Variants in PTPRN2 observed in about 807,000 individuals in gnomAD.
The protein encoded by PTPRN2 is receptor-type tyrosine-protein phosphatase N2.
Under a neutral mutation model 118.8 loss-of-function variants are expected in PTPRN2, and 74 were observed. The observed-to-expected ratio is 0.62, with a 90% CI of 0.52 to 0.76. PTPRN2 has a LOEUF of 0.76. PTPRN2 is among the 30% of genes least tolerant of loss of function. The pLI, the probability that PTPRN2 is intolerant of heterozygous loss-of-function variation, is 0.00. For synonymous variants in PTPRN2, 641 were observed against 608.0 expected, an observed-to-expected ratio of 1.05 and a Z score of -0.80; for missense variants, 1,481 against 1,394.4, an observed-to-expected ratio of 1.06 and a Z score of -0.99.
chr7:158,359,960 T>A (rs987745722), intron 2 of PTPRN2, among the ~76,000 whole-genome samples: 5 of 152,028 alleles, frequency 3.3e-5, no homozygotes, highest in Non-Finnish European at 7.4e-5. Context: ...GTGGGACATC[T>A]CACAGCGCTC....
intron 2 of PTPRN2, among the ~76,000 whole-genome samples, chr7:158,333,556 A>T (rs1586320277): frequency 6.7e-6 from 1 of 150,354 alleles, no homozygotes; most frequent in Non-Finnish European, 1.5e-5. Flanking sequence ...TCACACCCAC[A>T]CTCTCACCAT....
intron 11 of PTPRN2, among the ~76,000 whole-genome samples, chr7:157,937,177 C>T (rs1404177991): frequency 6.6e-6 from 1 of 152,162 alleles, no homozygotes; most frequent in Non-Finnish European, 1.5e-5. Context: ...CTGGAACTTG[C>T]CGTGAGCATG....
At chr7:157,606,145 C>T (rs1801988373) in intron 15 of PTPRN2, among the ~76,000 whole-genome samples, 1 of 152,226 alleles carries the variant, frequency 6.6e-6, no homozygotes, top group Non-Finnish European at 1.5e-5. Context: ...CCCAGAGTGT[C>T]ACACCTGCTG....
rs1409956940 is a variant in PTPRN2 at position 157,611,697 on chromosome 7, G to A, written c.2345-7622C>T. Among the ~76,000 whole-genome samples, 1 of 152,132 alleles carries A rather than the reference G, an allele frequency of 6.6e-6. No homozygotes were observed. The highest frequency in any genetic ancestry group is 2.4e-5 in the African/African-American group (1 of 41,418). On this transcript the variant is annotated intron_variant, in intron 15 of 22. Transcript: ENST00000389418. This position sits in a 1 kb window ranked among gnomAD's most constrained non-coding sequence, Gnocchi z 5.9. ...CACCCACACGGGAGGGAGAGCGCCCGTGTGAAGACGAAGACAGCCGCGGTC... is the reference window on the plus strand; with the variant it reads ...CACCCACACGGGAGGGAGAGCGCCCATGTGAAGACGAAGACAGCCGCGGTC...
chr7:157,789,877 G>A (rs913749736), intron 12 of PTPRN2, among the ~76,000 whole-genome samples: 1 of 150,218 alleles, frequency 6.7e-6, no homozygotes, highest in Non-Finnish European at 1.5e-5. Flanking sequence ...TGTGTAGTAT[G>A]TGTGCAGGTA....
chr7:157,784,123 G>A lies in PTPRN2; in HGVS notation c.1789-101186C>T, dbSNP rs1563104751. Among the ~76,000 whole-genome samples, 1 of 152,062 alleles carries A rather than the reference G, an allele frequency of 6.6e-6. No homozygotes were observed. Among genetic ancestry groups the A allele is most frequent in the Non-Finnish European group, 1.5e-5 (1 of 68,014 alleles). On this transcript the variant is annotated intron_variant, in intron 12 of 22. Transcript: ENST00000389418. The surrounding 1 kb of genome is among the most constrained non-coding windows in gnomAD (Gnocchi z 4.6). ...TGGGTGTGTTTAGTTCTGCTTCCAG[G>A]GACTATTCCTAAATTCTGCTTGTGG...
chr7:157,683,803 C>T lies in PTPRN2; in HGVS notation c.1789-866G>A, dbSNP rs367635575. On this transcript the variant is annotated intron_variant, in intron 12 of 22. Coordinates refer to ENST00000389418, the MANE Select transcript of PTPRN2 (RefSeq NM_002847.5). ...AAGGTATATTAGCAACAATTAAGGA[C>T]GCCACAGGAAAATGGGAAGGCCGCC... Among the ~76,000 whole-genome samples, 8 of 152,238 alleles carry T rather than the reference C, an allele frequency of 5.3e-5. No homozygotes were observed. In the East Asian group the frequency reaches 1.5e-3, roughly 29 times the overall value.
At chr7:158,566,485 G>A (rs58992994) in intron 1 of PTPRN2, among the ~76,000 whole-genome samples, 2,412 of 152,250 alleles carry the variant, frequency 0.016, 71 homozygotes, top group African/African-American at 0.056. Flanking sequence ...TGGCAGCCCC[G>A]GGCCAGGCAT....
chr7:158,211,126 G>A (rs1013006082), intron 3 of PTPRN2, among the ~76,000 whole-genome samples: 7 of 152,106 alleles, frequency 4.6e-5, no homozygotes, highest in African/African-American at 1.4e-4. Flanking sequence ...ACCACATGCA[G>A]AAGAATGAAA....
chr7:157,702,043 G>A (rs1046116985), intron 12 of PTPRN2, among the ~76,000 whole-genome samples: 13 of 150,248 alleles, frequency 8.7e-5, no homozygotes, highest in African/African-American at 3.0e-4. Context: ...AAGAAAGCCC[G>A]GTCGGTGCTG....
intron 6 of PTPRN2, among the ~76,000 whole-genome samples, chr7:158,145,113 A>C (rs1453664055): frequency 1.3e-5 from 2 of 150,170 alleles, no homozygotes; most frequent in Non-Finnish European, 3.0e-5. Context: ...GGTTTCCCTC[A>C]CATCATCGCG....
At chr7:157,875,438 A>C (rs151219911) in intron 12 of PTPRN2, among the ~76,000 whole-genome samples, 2 of 152,318 alleles carry the variant, frequency 1.3e-5, no homozygotes, top group Non-Finnish European at 2.9e-5. Flanking sequence ...ATCTTCCTGA[A>C]GTGGCAGCCA....
intron 12 of PTPRN2, among the ~76,000 whole-genome samples, chr7:157,728,375 A>G (rs925568646): frequency 6.6e-6 from 1 of 152,236 alleles, no homozygotes; most frequent in Non-Finnish European, 1.5e-5. Flanking sequence ...ACAAGCCCAC[A>G]GCATCTGCGT....
At chr7:157,754,727 GTAGT>G (rs922244883) in intron 12 of PTPRN2, among the ~76,000 whole-genome samples, 1 of 152,194 alleles carries the variant, frequency 6.6e-6, no homozygotes, top group East Asian at 1.9e-4. Flanking sequence ...TGTTTTCTTT[GTAGT>G]TAGTTTTCTT....
At chr7:158,124,958 G>A (rs1817503899) in intron 9 of PTPRN2, among the ~76,000 whole-genome samples, 1 of 152,242 alleles carries the variant, frequency 6.6e-6, no homozygotes, top group Non-Finnish European at 1.5e-5. Flanking sequence ...GCCCCGCAGT[G>A]CGGAGGCAAG....
chr7:158,328,307 C>A (rs1803820404), intron 2 of PTPRN2, among the ~76,000 whole-genome samples: 1 of 152,224 alleles, frequency 6.6e-6, no homozygotes, highest in South Asian at 2.1e-4. Flanking sequence ...GCCGTTGGAT[C>A]CGTGGGCTGC....
At chr7:158,105,323 T>C (rs912174144) in intron 10 of PTPRN2, among the ~76,000 whole-genome samples, 6 of 148,002 alleles carry the variant, frequency 4.1e-5, no homozygotes, top group African/African-American at 1.5e-4. Context: ...ATCCCAACTC[T>C]ATCCCAATTC....
chr7:158,414,690 C>T (rs1814504322), intron 2 of PTPRN2, among the ~76,000 whole-genome samples: 1 of 152,208 alleles, frequency 6.6e-6, no homozygotes, highest in African/African-American at 2.4e-5. Flanking sequence ...GGCATTGTGC[C>T]GTGCCTCCCG....
At chr7:158,258,211 T>A (rs1189843512) in intron 3 of PTPRN2, among the ~76,000 whole-genome samples, 2 of 152,128 alleles carry the variant, frequency 1.3e-5, no homozygotes, top group East Asian at 1.9e-4. Flanking sequence ...ACACACCACA[T>A]TTCCTCCGCT....
Sources: allele counts gnomAD v4.1 joint callset (sites outside exome capture counted in the v4.1 genomes callset), GRCh38; gene constraint gnomAD v4.1.1; non-coding constraint Gnocchi (gnomAD v3.1); transcripts MANE v1.5; gene names NCBI Gene and HGNC (gene_info 2026-07-23, HGNC 2026-07-21).